The following MIB1 variants were observed in gnomAD, a reference collection of about 807,000 sequenced individuals.
The protein encoded by MIB1 is E3 ubiquitin-protein ligase MIB1.
Under a neutral mutation model 124.5 loss-of-function variants are expected in MIB1, and 278 were observed. The observed-to-expected ratio is 2.23, with a 90% CI of 2.02 to 2.47. The LOEUF is 2.47. MIB1 is among the 30% of genes most tolerant of loss of function. The pLI, the probability that MIB1 is intolerant of heterozygous loss-of-function variation, is 0.00. For synonymous variants in MIB1, 446 were observed against 429.4 expected (o/e 1.04, Z -0.48); for missense variants, 957 against 1,254.4 (o/e 0.76, Z 3.58).
At chr18:21,783,330 C>T (rs370248553) in intron 6 of MIB1, among the ~76,000 whole-genome samples, 1 of 151,918 alleles carries the variant, frequency 6.6e-6, no homozygotes. Context: ...GCAACCTCCG[C>T]CTCCCGGGTT....
intron 12 of MIB1, among the ~76,000 whole-genome samples, chr18:21,834,877 A>G (rs1193330355): frequency 6.6e-6 from 1 of 152,232 alleles, no homozygotes; most frequent in Non-Finnish European, 1.5e-5. Flanking sequence ...CAGCGCTTCA[A>G]CATTGGTTTA....
chr18:21,764,479 G>A (rs920348266), intron 1 of MIB1, among the ~76,000 whole-genome samples: 1 of 152,062 alleles, frequency 6.6e-6, no homozygotes, highest in East Asian at 1.9e-4. Context: ...TACATATGTA[G>A]CATGTTACTT....
chr18:21,817,594 A>G lies in MIB1; in HGVS notation c.1677+1781A>G, dbSNP rs1056524455. On this transcript the variant is annotated intron_variant, in intron 11 of 20. Transcript: ENST00000261537. The stretch of plus-strand genomic sequence containing the variant: ...AATGAATGGGTGTGGCTGTGTTCCA[A>G]TAAAACTTAATTTACAAAAACAGGT... The G allele has an allele frequency of 6.2e-5, 22 of 353,364 alleles. No homozygotes were observed. In the East Asian group the frequency reaches 1.5e-3, roughly 24 times the overall value. The allele number at this position is 353,364 out of a possible 1,614,324, so 21.9% of individuals were successfully genotyped here.
At chr18:21,729,507 C>T (rs1354968234) in intron 1 of MIB1, among the ~76,000 whole-genome samples, 3 of 151,634 alleles carry the variant, frequency 2.0e-5, no homozygotes, top group African/African-American at 4.8e-5. Flanking sequence ...TTATTATTTT[C>T]GAGAAGGAGT....
At chr18:21,852,989 A>C in intron 17 of MIB1, 151 bp from the exon 18 acceptor site, 1 of 589,692 alleles carries the variant, frequency 1.7e-6, no homozygotes, top group Non-Finnish European at 3.0e-6. Context: ...AATAACCAGG[A>C]AAGTAGAGGA....
chr18:21,719,076 T>A (rs2146356918), intron 1 of MIB1, among the ~76,000 whole-genome samples: 1 of 151,858 alleles, frequency 6.6e-6, no homozygotes, highest in Non-Finnish European at 1.5e-5. Context: ...TAATCCCAGC[T>A]ACTTGGGAGG....
At chr18:21,724,424 G>A (rs2040728416) in intron 1 of MIB1, among the ~76,000 whole-genome samples, 1 of 151,928 alleles carries the variant, frequency 6.6e-6, no homozygotes, top group Non-Finnish European at 1.5e-5. Context: ...ATTAGAGTCA[G>A]CCGGGTGTGG....
chr18:21,727,265 A>G (rs1188256000), intron 1 of MIB1, among the ~76,000 whole-genome samples: 1 of 152,020 alleles, frequency 6.6e-6, no homozygotes, highest in East Asian at 1.9e-4. Flanking sequence ...ACTGACCACC[A>G]CGGGATTATA....
chr18:21,810,941 AAGC>A (rs1235106479), intron 10 of MIB1, among the ~76,000 whole-genome samples: 2 of 152,060 alleles, frequency 1.3e-5, no homozygotes, highest in East Asian at 3.8e-4. Context: ...CAGAGAGAAA[AAGC>A]AGCCTATGAA....
intron 1 of MIB1, among the ~76,000 whole-genome samples, chr18:21,731,517 A>G: frequency 6.6e-6 from 1 of 151,586 alleles, no homozygotes; most frequent in South Asian, 2.1e-4. Flanking sequence ...GTGGATCACG[A>G]GGTCAGGAGA....
chr18:21,794,053 A>C (rs796345283), intron 7 of MIB1: 15 of 152,328 alleles, frequency 9.8e-5, no homozygotes, highest in African/African-American at 3.6e-4. Flanking sequence ...AACTGGCCCA[A>C]AATCAAAAAC....
chr18:21,713,251 G>C (rs1446552833), intron 1 of MIB1, among the ~76,000 whole-genome samples: 1 of 134,658 alleles, frequency 7.4e-6, no homozygotes. Flanking sequence ...TTACAACCCT[G>C]AGCCACCAAG....
At chr18:21,849,965 T>C (rs926391686) in intron 17 of MIB1, among the ~76,000 whole-genome samples, 1 of 152,154 alleles carries the variant, frequency 6.6e-6, no homozygotes, top group Non-Finnish European at 1.5e-5. Flanking sequence ...CAGGGTCAGC[T>C]TAACATTTTT....
At chr18:21,804,055 C>A in intron 10 of MIB1, 41 bp downstream of exon 10, 1 of 1,376,852 alleles carries the variant, frequency 7.3e-7, no homozygotes, top group Non-Finnish European at 1.0e-6. Flanking sequence ...ACATTTATTT[C>A]CTAGAAATAA....
At chr18:21,839,612 C>T (rs2042063763) in intron 13 of MIB1, among the ~76,000 whole-genome samples, 1 of 152,156 alleles carries the variant, frequency 6.6e-6, no homozygotes, top group Non-Finnish European at 1.5e-5. Context: ...TCAAGCAGTC[C>T]TCCTGCCTCC....
At chr18:21,791,311 T>G in intron 6 of MIB1, 63 bp from the exon 7 acceptor site, 1 of 1,397,770 alleles carries the variant, frequency 7.2e-7, no homozygotes, top group Non-Finnish European at 9.7e-7. Context: ...CTTCACTGTT[T>G]AAGAATTTTG....
chr18:21,848,681 T>C (rs932511954), intron 16 of MIB1, among the ~76,000 whole-genome samples: 5 of 152,184 alleles, frequency 3.3e-5, no homozygotes, highest in Non-Finnish European at 7.4e-5. Flanking sequence ...CTTTCTGTAA[T>C]ATAATTTTAT....
intron 10 of MIB1, among the ~76,000 whole-genome samples, chr18:21,815,032 T>TATATATAC (rs2041814869): frequency 1.7e-5 from 2 of 114,968 alleles, no homozygotes; most frequent in African/African-American, 4.2e-5. Flanking sequence ...TATATATATA[T>TATATATAC]ATATATATAT....
At chr18:21,747,449 A>G (rs2040923998) in intron 1 of MIB1, among the ~76,000 whole-genome samples, 1 of 152,210 alleles carries the variant, frequency 6.6e-6, no homozygotes, top group African/African-American at 2.4e-5. Context: ...TGATGCAGAT[A>G]CTGCAGGCTC....
Sources: gnomAD v4.1 joint callset for allele counts (sites outside exome capture counted in the v4.1 genomes callset) on GRCh38, gnomAD v4.1.1 for gene constraint, MANE v1.5 for transcripts, NCBI Gene and HGNC (gene_info 2026-07-23, HGNC 2026-07-21) for gene names.